UGGT2: variants seen among roughly 807,000 people sequenced by gnomAD.
UGGT2 encodes UDP-glucose glycoprotein glucosyltransferase 2.
In UGGT2, 180 loss-of-function variants were observed where a neutral mutation model predicts 192.1. The observed-to-expected ratio is 0.94, with a 90% CI of 0.83 to 1.06. The LOEUF (loss-of-function observed/expected upper bound fraction) is 1.06, where lower values mean the gene tolerates loss of function less well. UGGT2 is among the 50% of genes least tolerant of loss of function. The pLI is 0.00. For synonymous variants in UGGT2, 580 were observed against 591.0 expected (o/e 0.98, Z 0.27); for missense variants, 1,849 against 1,795.7 (o/e 1.03, Z -0.54).
chr13:96,048,328 T>C lies in UGGT2; in HGVS notation c.158+4827A>G, dbSNP rs532928067. ...CATACCAGAATCTCTGGGACACATT[T>C]AAAGCAGTGTGTAGAGGGAAATTTA... is the stretch of plus-strand genomic sequence containing the variant. On this transcript the variant is annotated intron_variant, in intron 1 of 38. Transcript: ENST00000376747. Among the ~76,000 whole-genome samples the C allele has an allele frequency of 9.2e-4, 140 of 152,262 alleles. 1 individual carries two copies. The highest frequency in any genetic ancestry group is 1.4e-3 in the Admixed American group (22 of 15,282).
chr13:95,987,989 G>T (rs979378319), intron 8 of UGGT2, among the ~76,000 whole-genome samples: 1 of 152,026 alleles, frequency 6.6e-6, no homozygotes, highest in African/African-American at 2.4e-5. Context: ...GTAAGGAGTG[G>T]AATAGTTACT....
chr13:95,983,742 T>C, intron 10 of UGGT2, 62 bp downstream of exon 10: 1 of 1,234,594 alleles, frequency 8.1e-7, no homozygotes, highest in Non-Finnish European at 1.1e-6. Context: ...ATATTGAAGA[T>C]CCAAAGTCAG....
intron 20 of UGGT2, among the ~76,000 whole-genome samples, chr13:95,910,505 A>T (rs1258273603): frequency 6.6e-6 from 1 of 152,240 alleles, no homozygotes; most frequent in African/African-American, 2.4e-5. Context: ...CCAGTACATA[A>T]TGGTAAACGG....
rs1218086439 is a variant in UGGT2, at chr13:95,968,143, C to T, written c.1335+1969G>A. On this transcript the variant is annotated intron_variant, in intron 12 of 38. Transcript: ENST00000376747. The stretch of plus-strand genomic sequence containing the variant: ...AATTGTAATGCTTCCAGAGTTTCAT[C>T]ATTAAAAATGATGTTTTTTGTTGTT... Among the ~76,000 whole-genome samples the T allele has an allele frequency of 2.0e-5, 3 of 151,962 alleles. No homozygotes were observed. In the East Asian group the frequency reaches 5.8e-4, roughly 29 times the overall value.
chr13:95,977,685 T>C (rs1046165827), intron 10 of UGGT2, among the ~76,000 whole-genome samples: 1 of 152,180 alleles, frequency 6.6e-6, no homozygotes, highest in Non-Finnish European at 1.5e-5. Flanking sequence ...AGCAGTCCCA[T>C]TAGTGGGTAT....
intron 5 of UGGT2, among the ~76,000 whole-genome samples, chr13:96,007,062 T>C (rs2052003721): frequency 6.6e-6 from 1 of 152,074 alleles, no homozygotes; most frequent in Non-Finnish European, 1.5e-5. Flanking sequence ...ATTAGCAAAA[T>C]GAATTCAGCA....
intron 17 of UGGT2, among the ~76,000 whole-genome samples, chr13:95,930,240 C>A (rs889944602): frequency 6.6e-6 from 1 of 152,076 alleles, no homozygotes; most frequent in East Asian, 1.9e-4. Context: ...TACTCTGTTG[C>A]GAGTTTCTTT....
chr13:96,030,901 G>C (rs1439624913), intron 2 of UGGT2, among the ~76,000 whole-genome samples: 1 of 152,158 alleles, frequency 6.6e-6, no homozygotes, highest in South Asian at 2.1e-4. Flanking sequence ...TTAGTTACCT[G>C]ACTTTTTGAG....
intron 38 of UGGT2, among the ~76,000 whole-genome samples, chr13:95,812,891 TGATG>T (rs1884649151): frequency 6.6e-6 from 1 of 152,178 alleles, no homozygotes; most frequent in South Asian, 2.1e-4. Flanking sequence ...CTGATTGCCG[TGATG>T]GATGCACAAC....
chr13:95,808,961 C>A (rs1884451139), intron 38 of UGGT2, among the ~76,000 whole-genome samples: 1 of 152,080 alleles, frequency 6.6e-6, no homozygotes, highest in Non-Finnish European at 1.5e-5. Flanking sequence ...AGTACAGGAC[C>A]GTGACTCCAT....
In UGGT2 at chr13:95,803,219, G is replaced by A. The variant is rs577971216; in HGVS notation, c.4529-1407C>T. ...CAATTTTGAGAGAGACAAAGAGGGA[G>A]AAATAAAGGGTGGGAGAGAGGGGGA... On this transcript the variant is annotated intron_variant, in intron 38 of 38. Transcript: ENST00000376747. Among the ~76,000 whole-genome samples, 6 of 152,266 alleles carry A rather than the reference G, an allele frequency of 3.9e-5. No homozygotes were observed. In the South Asian group the frequency reaches 1.2e-3, roughly 32 times the overall value.
chr13:95,842,113 T>A (rs143455137), intron 36 of UGGT2, among the ~76,000 whole-genome samples: 3 of 152,294 alleles, frequency 2.0e-5, no homozygotes, highest in African/African-American at 4.8e-5. Context: ...TGTGAAACCA[T>A]CACATAATTA....
rs1337353955 is a variant in UGGT2 at position 95,965,791 on chromosome 13, A to G, written c.1335+4321T>C. On this transcript the variant is annotated intron_variant, in intron 12 of 38. Coordinates refer to ENST00000376747, the MANE Select transcript of UGGT2 (RefSeq NM_020121.4). ...TTATACAGATGGCAAACAAGTATAT[A>G]ATGTTCAACATCACTAATTATTAGA... Among the ~76,000 whole-genome samples, 3 of 152,174 alleles carry G rather than the reference A, an allele frequency of 2.0e-5. No homozygotes were observed. In the East Asian group the frequency reaches 5.8e-4, roughly 29 times the overall value.
rs1889365773 is a variant in UGGT2 at position 95,854,366 on chromosome 13, C to T, written c.4118G>A (p.Trp1373Ter). Residue 1373 changes from tryptophan (W) to a stop codon, truncating the protein, a stop_gained, in exon 35 of 39, where the codon TGG (tryptophan) becomes TAG (stop). Coordinates refer to ENST00000376747, the MANE Select transcript of UGGT2 (RefSeq NM_020121.4). LOFTEE classifies it high-confidence loss of function. The stretch of plus-strand genomic sequence containing the variant: ...ATGTGATGCCCAGTATCCTGTTTTC[C>T]AGAAACGATATCCATCCATTTCCCT... Reference protein sequence around the residue: ...SRREMDGYRFWKTGYWASHLL... With the variant: ...SRREMDGYRF 2 of 1,613,760 alleles carry T rather than the reference C, an allele frequency of 1.2e-6. No homozygotes were observed. Among genetic ancestry groups the T allele is most frequent in the Non-Finnish European group, 1.7e-6 (2 of 1,179,850 alleles).
rs957351215 is a variant in UGGT2 at position 96,053,376 on chromosome 13, C to T, written c.-64G>A. 11 of 1,529,594 alleles carry T rather than the reference C, an allele frequency of 7.2e-6. No individual in the cohort carries two copies. Among genetic ancestry groups the T allele is most frequent in the Middle Eastern group, 1.8e-4 (1 of 5,442 alleles). The allele number at this position is 1,529,594 out of a possible 1,614,324, so 94.8% of individuals were successfully genotyped here. On this transcript the variant is annotated 5_prime_UTR_variant, in exon 1 of 39. Coordinates refer to ENST00000376747, the MANE Select transcript of UGGT2 (RefSeq NM_020121.4). Reference sequence around the variant, plus strand: ...CCCACAGTCTGTGGCCGCCACGCTTCGGCCGGCTCTTCCCGCTGCGCGGCT... The same window carrying T: ...CCCACAGTCTGTGGCCGCCACGCTTTGGCCGGCTCTTCCCGCTGCGCGGCT...
chr13:95,979,614 C>G (rs1055513430), intron 10 of UGGT2, among the ~76,000 whole-genome samples: 2 of 144,628 alleles, frequency 1.4e-5, no homozygotes, highest in Non-Finnish European at 3.0e-5. Context: ...CTTTCTTTCT[C>G]AGTTTAATTC....
chr13:95,868,878 G>A (rs754867860), intron 29 of UGGT2, among the ~76,000 whole-genome samples: 4 of 151,486 alleles, frequency 2.6e-5, no homozygotes, highest in South Asian at 4.2e-4. Flanking sequence ...TTTACTTCAG[G>A]CACTGTTTTT....
chr13:95,944,923 G>A (rs1460937897), intron 15 of UGGT2, among the ~76,000 whole-genome samples: 2 of 151,976 alleles, frequency 1.3e-5, no homozygotes, highest in East Asian at 3.9e-4. Context: ...TAGTGAAACT[G>A]TCCATTTATC....
intron 22 of UGGT2, among the ~76,000 whole-genome samples, chr13:95,899,408 G>C (rs2048038947): frequency 6.6e-6 from 1 of 152,064 alleles, no homozygotes; most frequent in Non-Finnish European, 1.5e-5. Context: ...TCAGAATCTA[G>C]AAGAATGTTT....
Sources: allele counts gnomAD v4.1 joint callset (sites outside exome capture counted in the v4.1 genomes callset), GRCh38; gene constraint gnomAD v4.1.1; transcripts MANE v1.5; gene names NCBI Gene and HGNC (gene_info 2026-07-23, HGNC 2026-07-21).